C12orf42: variants seen among roughly 807,000 people sequenced by gnomAD.
The protein encoded by C12orf42 is uncharacterized protein C12orf42.
C12orf42 carries 25 observed loss-of-function variants against 21.6 expected under a neutral mutation model. The ratio of observed to expected loss-of-function variants is 1.16; its 90% CI spans 0.84 to 1.62. The LOEUF (loss-of-function observed/expected upper bound fraction) is 1.62, where lower values mean the gene tolerates loss of function less well. Among genes scored for constraint, C12orf42 ranks in the 40% most tolerant of loss-of-function variants. The pLI is 0.00. For synonymous variants in C12orf42, 174 were observed against 175.0 expected (o/e 0.99, Z 0.05); for missense variants, 483 against 459.3 (o/e 1.05, Z -0.47).
chr12:103,270,760 G>T (rs2035428238), intron 5 of C12orf42, among the ~76,000 whole-genome samples: 2 of 135,432 alleles, frequency 1.5e-5, no homozygotes, highest in Admixed American at 7.9e-5. Flanking sequence ...CCCAGAGTGT[G>T]ATGTTCCCCT....
intron 3 of C12orf42, among the ~76,000 whole-genome samples, chr12:103,387,182 A>T (rs2138348593): frequency 6.6e-6 from 1 of 152,332 alleles, no homozygotes; most frequent in East Asian, 1.9e-4. Flanking sequence ...CACCTGCTCT[A>T]GTCCAGCCCC....
chr12:103,241,583 G>A (rs987507330), intron 10 of C12orf42, among the ~76,000 whole-genome samples: 1 of 152,150 alleles, frequency 6.6e-6, no homozygotes, highest in Admixed American at 6.5e-5. Context: ...TGTGACCATT[G>A]GCTGGTCATT....
At chr12:103,116,381 A>AAAAAAT in the C12orf42 span, among the ~76,000 whole-genome samples, 1 of 136,710 alleles carries the variant, frequency 7.3e-6, no homozygotes. Flanking sequence ...AAAAAAAAAA[A>AAAAAAT]ATATATATAT....
At chr12:103,081,557 A>C in the C12orf42 span, 1 of 152,190 alleles carries the variant, frequency 6.6e-6, no homozygotes, top group Non-Finnish European at 1.5e-5. Context: ...AATGCATGAA[A>C]GGTAATTTAT....
At chr12:103,256,191 C>CAT (rs2034609330) in intron 10 of C12orf42, among the ~76,000 whole-genome samples, 1 of 127,046 alleles carries the variant, frequency 7.9e-6, no homozygotes, top group South Asian at 2.5e-4. Flanking sequence ...CATATATATA[C>CAT]ACATATATAT....
chr12:103,221,047 T>A, the C12orf42 span, among the ~76,000 whole-genome samples: 1 of 152,246 alleles, frequency 6.6e-6, no homozygotes, highest in African/African-American at 2.4e-5. Flanking sequence ...CAGGTTTGCT[T>A]GTAGTTTTAA....
the C12orf42 span, among the ~76,000 whole-genome samples, chr12:103,548,291 G>A: frequency 2.0e-4 from 30 of 152,256 alleles, 1 homozygote; most frequent in South Asian, 5.2e-3. Flanking sequence ...AAGAAAATGC[G>A]GACTGAAGAT....
chr12:103,244,567 A>G (rs1369277012), intron 10 of C12orf42, among the ~76,000 whole-genome samples: 2 of 151,770 alleles, frequency 1.3e-5, no homozygotes, highest in Non-Finnish European at 2.9e-5. Flanking sequence ...AAAAAAAAAA[A>G]GAAAAATTTC....
At chr12:103,421,932 T>G (rs567022869) in intron 2 of C12orf42, among the ~76,000 whole-genome samples, 72 of 152,250 alleles carry the variant, frequency 4.7e-4, no homozygotes, top group Non-Finnish European at 9.0e-4. Flanking sequence ...ATAATAATAA[T>G]AAGAATAAGA....
intron 1 of C12orf42, among the ~76,000 whole-genome samples, chr12:103,487,140 T>G (rs1324646025): frequency 6.6e-6 from 1 of 152,222 alleles, no homozygotes; most frequent in Non-Finnish European, 1.5e-5. Flanking sequence ...GTCCCAGAGA[T>G]TCTGGTATGT....
At chr12:103,128,412 C>T in the C12orf42 span, among the ~76,000 whole-genome samples, 8 of 152,298 alleles carry the variant, frequency 5.3e-5, no homozygotes, top group East Asian at 5.8e-4. Context: ...GTGGTACAGC[C>T]GAAATGGCAC....
At chr12:103,481,762 T>A (rs1383204091) in intron 1 of C12orf42, among the ~76,000 whole-genome samples, 1 of 151,802 alleles carries the variant, frequency 6.6e-6, no homozygotes, top group African/African-American at 2.4e-5. Flanking sequence ...TTGTATGTGC[T>A]TTCTACTTAT....
At chr12:103,424,047 T>C (rs1310126463) in intron 2 of C12orf42, among the ~76,000 whole-genome samples, 3 of 152,248 alleles carry the variant, frequency 2.0e-5, no homozygotes, top group African/African-American at 7.2e-5. Flanking sequence ...TTTGGGCCAT[T>C]TTGGCAAATG....
downstream of C12orf42, among the ~76,000 whole-genome samples, chr12:103,297,309 G>A (rs2037358275): frequency 6.6e-6 from 1 of 152,122 alleles, no homozygotes; most frequent in Non-Finnish European, 1.5e-5. Context: ...CTTCAGCTTT[G>A]TTCTTTTGGC....
chr12:103,298,529 C>T (rs2037449419), downstream of C12orf42, among the ~76,000 whole-genome samples: 2 of 152,168 alleles, frequency 1.3e-5, no homozygotes, highest in Non-Finnish European at 1.5e-5. Context: ...GGCCATACTG[C>T]CCAAGGTAAT....
chr12:103,276,749 A>G (rs1032287155), intron 5 of C12orf42, among the ~76,000 whole-genome samples: 13 of 152,184 alleles, frequency 8.5e-5, no homozygotes, highest in Non-Finnish European at 1.5e-4. Flanking sequence ...AAAGCTGACC[A>G]ATATAGTACA....
chr12:103,358,304 A>G (rs886414345), intron 4 of C12orf42, among the ~76,000 whole-genome samples: 1 of 152,106 alleles, frequency 6.6e-6, no homozygotes, highest in African/African-American at 2.4e-5. Flanking sequence ...TATCATGGAC[A>G]TTTTTGCAAT....
chr12:103,286,155 G>A (rs1163887190), intron 4 of C12orf42, among the ~76,000 whole-genome samples: 3 of 152,044 alleles, frequency 2.0e-5, no homozygotes, highest in African/African-American at 4.8e-5. Context: ...GGAGGCTGAG[G>A]CAGGAGAATG....
chr12:103,327,545 A>C (rs925018779), intron 4 of C12orf42, among the ~76,000 whole-genome samples: 2 of 152,234 alleles, frequency 1.3e-5, no homozygotes, highest in Admixed American at 1.3e-4. Context: ...GCAATGATTT[A>C]TAGTGACATA....
Sources: gnomAD v4.1 joint callset for allele counts (sites outside exome capture counted in the v4.1 genomes callset) on GRCh38, gnomAD v4.1.1 for gene constraint, MANE v1.5 for transcripts, NCBI Gene and HGNC (gene_info 2026-07-23, HGNC 2026-07-21) for gene names.